Variants in RAPGEF4 observed in about 807,000 individuals in gnomAD.
RAPGEF4 encodes Rap guanine nucleotide exchange factor 4.
In RAPGEF4, 66 loss-of-function variants were observed where a neutral mutation model predicts 147.9. The ratio of observed to expected loss-of-function variants is 0.45; its 90% confidence interval spans 0.37 to 0.55. The LOEUF is 0.55. RAPGEF4 is among the 20% of genes least tolerant of loss of function. The pLI is 0.00. For synonymous variants in RAPGEF4, 419 were observed against 442.7 expected, an observed-to-expected ratio of 0.95 and a Z score of 0.67; for missense variants, 1,071 against 1,257.3, an observed-to-expected ratio of 0.85 and a Z score of 2.24.
At chr2:172,874,909 T>A (rs1474749658) in intron 4 of RAPGEF4, among the ~76,000 whole-genome samples, 3 of 152,250 alleles carry the variant, frequency 2.0e-5, no homozygotes, top group Non-Finnish European at 4.4e-5. Flanking sequence ...CCAGCACCTG[T>A]TGTTTCCTAA....
intron 14 of RAPGEF4, among the ~76,000 whole-genome samples, chr2:172,989,426 T>C (rs1692603287): frequency 6.6e-6 from 1 of 151,274 alleles, no homozygotes; most frequent in Non-Finnish European, 1.5e-5. Context: ...CTAAAGGAAT[T>C]TCTGACATTG....
intron 2 of RAPGEF4, among the ~76,000 whole-genome samples, chr2:172,796,630 G>A (rs181353839): frequency 6.6e-6 from 1 of 152,168 alleles, no homozygotes; most frequent in South Asian, 2.1e-4. Context: ...CAAGCCATCT[G>A]CCCACCTCAA....
At chr2:173,027,468 C>T (rs1696773842) in intron 25 of RAPGEF4, among the ~76,000 whole-genome samples, 1 of 152,218 alleles carries the variant, frequency 6.6e-6, no homozygotes, top group Admixed American at 6.5e-5. Context: ...TTCTTTACAG[C>T]ACTGATGCTG....
At chr2:172,974,666 G>A (rs1690880038) in intron 10 of RAPGEF4, among the ~76,000 whole-genome samples, 1 of 152,168 alleles carries the variant, frequency 6.6e-6, no homozygotes, top group East Asian at 1.9e-4. Flanking sequence ...CTGGGCAACA[G>A]AGTGAGACTC....
At chr2:172,953,846 G>A (rs1338332268) in intron 6 of RAPGEF4, among the ~76,000 whole-genome samples, 1 of 152,116 alleles carries the variant, frequency 6.6e-6, no homozygotes, top group African/African-American at 2.4e-5. Context: ...GTATGAGGGA[G>A]AGAGAAAGAA....
At chr2:172,998,671 A>G (rs998633608) in intron 16 of RAPGEF4, among the ~76,000 whole-genome samples, 3 of 152,206 alleles carry the variant, frequency 2.0e-5, no homozygotes, top group Non-Finnish European at 2.9e-5. Context: ...GTATAGAGAA[A>G]CTGTTGAAGA....
intron 3 of RAPGEF4, among the ~76,000 whole-genome samples, chr2:172,802,169 C>T (rs1211476975): frequency 1.3e-5 from 2 of 152,216 alleles, no homozygotes; most frequent in Non-Finnish European, 2.9e-5. Flanking sequence ...AATGGGAATA[C>T]ATGAGGGAGA....
At chr2:172,751,989 T>G (rs566094627) in intron 1 of RAPGEF4, among the ~76,000 whole-genome samples, 35 of 12,074 alleles carry the variant, frequency 2.9e-3, no homozygotes, top group African/African-American at 3.5e-3. Context: ...ATGTTTCACT[T>G]TAGTTTTTTC....
intron 6 of RAPGEF4, among the ~76,000 whole-genome samples, chr2:172,952,575 A>G (rs1157698153): frequency 3.3e-5 from 5 of 152,190 alleles, no homozygotes; most frequent in Non-Finnish European, 7.3e-5. Context: ...TTTCATAGTA[A>G]TATGTTGGTA....
At chr2:173,031,046 G>A (rs1034542000) in intron 26 of RAPGEF4, among the ~76,000 whole-genome samples, 7 of 152,220 alleles carry the variant, frequency 4.6e-5, no homozygotes, top group Non-Finnish European at 1.0e-4. Context: ...CAGAAAGAGG[G>A]CAAGGAGTAT....
At chr2:172,840,236 G>C (rs553695384) in intron 4 of RAPGEF4, among the ~76,000 whole-genome samples, 30 of 152,158 alleles carry the variant, frequency 2.0e-4, no homozygotes, top group Non-Finnish European at 1.6e-4. Flanking sequence ...CTGGTTTAGA[G>C]GTTCTGAGCC....
rs753985690 is a variant in RAPGEF4, at chr2:172,983,480, T to C, written c.1005-16T>C. 1.3e-6 allele frequency: 2 copies of C among 1,582,912 alleles called. No individual in the cohort carries two copies. Among genetic ancestry groups the C allele is most frequent in the Non-Finnish European group, 1.7e-6 (2 of 1,172,996 alleles). On this transcript the variant is annotated splice_polypyrimidine_tract_variant and intron_variant, in intron 10 of 30. Transcript: ENST00000397081. ...GCCCTTTTTCCATATTCCTTTTTTT[T>C]TTTTTATCTTTGTAGACCTGGCCAG...
At chr2:172,938,954 A>C (rs549473220) in intron 6 of RAPGEF4, among the ~76,000 whole-genome samples, 1 of 152,342 alleles carries the variant, frequency 6.6e-6, no homozygotes, top group Non-Finnish European at 1.5e-5. Flanking sequence ...TTCACTTAGC[A>C]ATATGCACTT....
At chr2:172,804,652 C>A (rs1423355108) in intron 3 of RAPGEF4, among the ~76,000 whole-genome samples, 1 of 152,216 alleles carries the variant, frequency 6.6e-6, no homozygotes, top group Non-Finnish European at 1.5e-5. Context: ...CCTGGGGAAT[C>A]TGCAAAGCCT....
intron 10 of RAPGEF4, among the ~76,000 whole-genome samples, chr2:172,981,248 A>G (rs1358057932): frequency 6.6e-6 from 1 of 152,224 alleles, no homozygotes; most frequent in Non-Finnish European, 1.5e-5. Context: ...CAAGAACAGC[A>G]GGGCTGCTCC....
chr2:172,814,048 T>G (rs986685026), intron 3 of RAPGEF4, among the ~76,000 whole-genome samples: 1 of 152,170 alleles, frequency 6.6e-6, no homozygotes, highest in African/African-American at 2.4e-5. Context: ...GAACAAGTTA[T>G]CTGAGTGTCT....
intron 6 of RAPGEF4, among the ~76,000 whole-genome samples, chr2:172,950,887 G>A (rs545660636): frequency 2.6e-5 from 4 of 152,182 alleles, no homozygotes; most frequent in African/African-American, 9.7e-5. Flanking sequence ...TGTTAGTAAG[G>A]ATTATGAAGT....
chr2:173,011,715 T>C (rs1223851106), intron 17 of RAPGEF4, among the ~76,000 whole-genome samples: 1 of 152,198 alleles, frequency 6.6e-6, no homozygotes, highest in Admixed American at 6.5e-5. Flanking sequence ...TAATAATTAG[T>C]GAATCAATTG....
At chr2:172,922,463 A>C (rs1559122519) in intron 6 of RAPGEF4, among the ~76,000 whole-genome samples, 163 bp downstream of exon 6, 1 of 152,228 alleles carries the variant, frequency 6.6e-6, no homozygotes, top group Non-Finnish European at 1.5e-5. Flanking sequence ...TTTGAAATAG[A>C]AAGGGGAGAA....
Sources: gnomAD v4.1 joint callset for allele counts (sites outside exome capture counted in the v4.1 genomes callset) on GRCh38, gnomAD v4.1.1 for gene constraint, MANE v1.5 for transcripts, NCBI Gene and HGNC (gene_info 2026-07-23, HGNC 2026-07-21) for gene names.